PIK3C2G: variants seen among roughly 807,000 people sequenced by gnomAD.
PIK3C2G encodes the protein phosphatidylinositol-4-phosphate 3-kinase catalytic subunit type 2 gamma.
A neutral mutation model predicts 181.1 loss-of-function variants in PIK3C2G; 168 were observed. The observed-to-expected ratio is 0.93, with a 90% confidence interval of 0.82 to 1.05. PIK3C2G has a LOEUF of 1.05. Ranked by LOEUF, PIK3C2G falls within the 50% of genes least tolerant of loss-of-function variation. PIK3C2G has a pLI of 0.00. For synonymous variants in PIK3C2G, 573 were observed against 592.2 expected (o/e 0.97, Z 0.47); for missense variants, 1,869 against 1,732.8 (o/e 1.08, Z -1.40).
chr12:18,406,743 T>C (rs1489348857), intron 16 of PIK3C2G, among the ~76,000 whole-genome samples: 1 of 152,106 alleles, frequency 6.6e-6, no homozygotes, highest in Non-Finnish European at 1.5e-5. Context: ...GAAAAGAGTG[T>C]AACTTCTTCC....
In PIK3C2G at chr12:18,304,350, G is replaced by A. The variant is rs142691313; in HGVS notation, c.1035-9612G>A. 7.2e-5 allele frequency among the ~76,000 whole-genome samples: 11 copies of A among 152,062 alleles called. No homozygotes were observed. The East Asian group carries it at 7.7e-4, about 11-fold the overall frequency. On this transcript the variant is annotated intron_variant, in intron 5 of 32. Transcript: ENST00000538779. ...CGTCTCACTGCAACCTCTGCCTCCT[G>A]GATTCAAGCAATTCTCCTGCCTCAG...
chr12:18,338,663 C>CTGTGTGTGTGTGTG (rs199613361), intron 9 of PIK3C2G, 115 bp downstream of exon 9: 9 of 413,934 alleles, frequency 2.2e-5, no homozygotes, highest in Non-Finnish European at 3.1e-5. Context: ...TTGTGTGTAT[C>CTGTGTGTGTGTGTG]TGTGTGTGTG....
At chr12:18,381,928 G>A in intron 14 of PIK3C2G, 48 bp downstream of exon 14, 1 of 1,108,626 alleles carries the variant, frequency 9.0e-7, no homozygotes, top group Non-Finnish European at 1.4e-6. Flanking sequence ...AGTATTGGTT[G>A]ATACGTAGTT....
intron 3 of PIK3C2G, among the ~76,000 whole-genome samples, chr12:18,289,027 T>C (rs1949575436): frequency 1.3e-5 from 2 of 152,330 alleles, no homozygotes; most frequent in South Asian, 4.1e-4. Flanking sequence ...ATTCACACAC[T>C]CTTTCCTTGT....
At chr12:18,646,130 A>G (rs1220443936) in intron 32 of PIK3C2G, among the ~76,000 whole-genome samples, 1 of 152,218 alleles carries the variant, frequency 6.6e-6, no homozygotes, top group Non-Finnish European at 1.5e-5. Context: ...TTTTTAAGGC[A>G]ACTCTTAAAA....
At chr12:18,706,931 C>T in the PIK3C2G span, among the ~76,000 whole-genome samples, 2 of 152,168 alleles carry the variant, frequency 1.3e-5, no homozygotes, top group South Asian at 4.1e-4. Flanking sequence ...AGGCTGCACT[C>T]CCTTGGAAGG....
chr12:18,376,011 C>CCCAG (rs1428792286), intron 13 of PIK3C2G, among the ~76,000 whole-genome samples: 1 of 152,240 alleles, frequency 6.6e-6, no homozygotes, highest in Non-Finnish European at 1.5e-5. Flanking sequence ...AGCCCGGGTG[C>CCCAG]CCAGCCATAA....
chr12:18,551,967 G>A (rs914226720), intron 26 of PIK3C2G, among the ~76,000 whole-genome samples: 2 of 152,002 alleles, frequency 1.3e-5, no homozygotes, highest in South Asian at 2.1e-4. Flanking sequence ...AGTGGATTTC[G>A]TTGCCCAGCC....
chr12:18,388,966 G>A (rs561579646), intron 14 of PIK3C2G, among the ~76,000 whole-genome samples: 2 of 152,150 alleles, frequency 1.3e-5, no homozygotes, highest in African/African-American at 4.8e-5. Context: ...AATAAGGAGT[G>A]CATCCTCAAG....
At chr12:18,304,790 C>T (rs1010912060) in intron 5 of PIK3C2G, among the ~76,000 whole-genome samples, 10 of 152,112 alleles carry the variant, frequency 6.6e-5, no homozygotes, top group Admixed American at 2.6e-4. Flanking sequence ...CAAACCTGAA[C>T]GAATTGATTA....
the PIK3C2G span, chr12:18,696,308 A>G: frequency 1.4e-6 from 1 of 722,818 alleles, no homozygotes; most frequent in Non-Finnish European, 2.2e-6. Context: ...AATTCAAATA[A>G]ATTTAAAAAG....
chr12:18,346,968 C>G (rs571304282), intron 11 of PIK3C2G, 132 bp downstream of exon 11: 2 of 453,088 alleles, frequency 4.4e-6, no homozygotes, highest in Non-Finnish European at 7.7e-6. Flanking sequence ...ATAGTTTTAT[C>G]CATATTCTTA....
chr12:18,710,154 C>T, the PIK3C2G span, among the ~76,000 whole-genome samples: 1 of 148,562 alleles, frequency 6.7e-6, no homozygotes, highest in African/African-American at 2.5e-5. Context: ...GAAAGCATTG[C>T]ATTTTGTCTC....
At chr12:18,563,233 C>A in intron 27 of PIK3C2G, 144 bp from the exon 28 acceptor site, 1 of 713,262 alleles carries the variant, frequency 1.4e-6, no homozygotes, top group Non-Finnish European at 2.3e-6. Flanking sequence ...TTAATTTTGC[C>A]TTTACAAAAT....
rs187678494 is a variant in PIK3C2G, at chr12:18,515,993, T to C, written c.3323+10532T>C. On this transcript the variant is annotated intron_variant, in intron 24 of 32. Coordinates refer to ENST00000538779, the MANE Select transcript of PIK3C2G (RefSeq NM_001288772.2). ...AAAATTAGTCTTTATACTAAATATATAAATGGCTTGCACATCATAATTATA... is the reference window on the plus strand; with the variant it reads ...AAAATTAGTCTTTATACTAAATATACAAATGGCTTGCACATCATAATTATA... Among the ~76,000 whole-genome samples the C allele has an allele frequency of 1.2e-4, 18 of 152,206 alleles. No homozygotes were observed. The East Asian group carries it at 3.5e-3, about 29-fold the overall frequency.
At chr12:18,566,437 T>C (rs918567281) in intron 28 of PIK3C2G, among the ~76,000 whole-genome samples, 8 of 152,222 alleles carry the variant, frequency 5.3e-5, no homozygotes, top group Non-Finnish European at 7.3e-5. Context: ...ATCATCAGAT[T>C]GTGCAAAGGA....
downstream of PIK3C2G, among the ~76,000 whole-genome samples, chr12:18,650,502 GA>G (rs974464623): frequency 2.3e-4 from 34 of 148,722 alleles, no homozygotes; most frequent in Admixed American, 8.7e-4. Context: ...TCCTGTGTAT[GA>G]AAAAAAATTA....
intron 18 of PIK3C2G, among the ~76,000 whole-genome samples, chr12:18,448,669 G>T (rs1375274012): frequency 6.6e-6 from 1 of 151,886 alleles, no homozygotes; most frequent in Non-Finnish European, 1.5e-5. Context: ...TTCATGTAAT[G>T]TCCTTTAAGT....
Position 18,497,613 on chromosome 12 carries a change from T to TA in PIK3C2G, c.2887-4dup. 3 of 1,609,498 alleles carry TA rather than the reference T, an allele frequency of 1.9e-6. No homozygotes were observed. Among genetic ancestry groups the TA allele is most frequent in the Non-Finnish European group, 2.5e-6 (3 of 1,177,738 alleles). ...AACCCAGGGTCTATAATTTTGTTTT[T>TA]AACAGGCTGGAGATGATCTTCGTCA... On this transcript the variant is annotated splice_region_variant and splice_polypyrimidine_tract_variant and intron_variant, in intron 21 of 32. Coordinates refer to ENST00000538779, the MANE Select transcript of PIK3C2G (RefSeq NM_001288772.2).
Sources: gnomAD v4.1 joint callset for allele counts (sites outside exome capture counted in the v4.1 genomes callset) on GRCh38, gnomAD v4.1.1 for gene constraint, MANE v1.5 for transcripts, NCBI Gene and HGNC (gene_info 2026-07-23, HGNC 2026-07-21) for gene names.